Variants in ZNF541 observed in about 807,000 individuals in gnomAD.
The protein encoded by ZNF541 is zinc finger protein 541.
ZNF541 carries 23 observed loss-of-function variants against 123.5 expected under a neutral mutation model. That is an observed-to-expected ratio of 0.19 (90% confidence interval 0.13 to 0.26). The LOEUF (loss-of-function observed/expected upper bound fraction) is 0.26, where lower values mean the gene tolerates loss of function less well. Ranked by LOEUF, ZNF541 falls within the 10% of genes least tolerant of loss-of-function variation. ZNF541 has a pLI of 1.00. For missense variants in ZNF541, 1,612 were observed against 1,789.9 expected (o/e 0.90, Z 1.79); for synonymous variants, 751 against 754.5 (o/e 1.00, Z 0.08).
At chr19:47,531,948 G>A (rs896965042) in intron 11 of ZNF541, among the ~76,000 whole-genome samples, 180 bp downstream of exon 11, 1 of 152,180 alleles carries the variant, frequency 6.6e-6, no homozygotes, top group Admixed American at 6.5e-5. Flanking sequence ...GACAAAAGAG[G>A]TAGGGGAGGG....
intron 14 of ZNF541, 104 bp from the exon 15 acceptor site, chr19:47,522,098 C>T (rs1471864822): frequency 6.9e-7 from 1 of 1,439,416 alleles, no homozygotes; most frequent in Non-Finnish European, 9.3e-7. Context: ...TCCGGAAGCA[C>T]CTCTTCCTTT....
intron 14 of ZNF541, 29 bp from the exon 15 acceptor site, chr19:47,522,023 CT>C (rs1969058289): frequency 6.5e-7 from 1 of 1,549,058 alleles, no homozygotes. Context: ...CAGGCTGTGG[CT>C]GTGCCACGCG....
intron 2 of ZNF541, among the ~76,000 whole-genome samples, chr19:47,557,374 A>G (rs1439206452): frequency 2.0e-5 from 3 of 152,228 alleles, no homozygotes; most frequent in Admixed American, 2.0e-4. Context: ...CCAGAAAAAA[A>G]TAGCCAGTGA....
rs1969465437 is a variant in ZNF541 at position 47,529,563 on chromosome 19, C to G, written c.3481+14G>C. ...CAGCTGGGCCAAACCAGCTCAGCAG[C>G]CTTTCCCCGTCACCTGTGTAGCGAT... On this transcript the variant is annotated intron_variant, in intron 13 of 16. Coordinates refer to ENST00000391901, the MANE Select transcript of ZNF541 (RefSeq NM_001277075.3). 1 of 1,551,448 alleles carries G rather than the reference C, an allele frequency of 6.4e-7. No homozygotes were observed. Among genetic ancestry groups the G allele is most frequent in the African/African-American group, 1.4e-5 (1 of 73,050 alleles).
At chr19:47,562,064 C>A (rs1244392554) in intron 2 of ZNF541, among the ~76,000 whole-genome samples, 5 of 152,178 alleles carry the variant, frequency 3.3e-5, no homozygotes, top group African/African-American at 4.8e-5. Context: ...GCCTGGCCAA[C>A]ATGGCGAACC....
chr19:47,561,029 C>T (rs1971040676), intron 2 of ZNF541, among the ~76,000 whole-genome samples: 2 of 152,138 alleles, frequency 1.3e-5, no homozygotes, highest in South Asian at 4.1e-4. Context: ...AACTATATCA[C>T]ATTCTGGAAA....
chr19:47,560,978 C>T (rs144634313), intron 2 of ZNF541, among the ~76,000 whole-genome samples: 95 of 151,982 alleles, frequency 6.3e-4, no homozygotes, highest in African/African-American at 2.2e-3. Context: ...AGATTACATA[C>T]CGAAAAAAAA....
intron 2 of ZNF541, among the ~76,000 whole-genome samples, chr19:47,566,323 T>C (rs886439918): frequency 5.3e-5 from 8 of 152,180 alleles, no homozygotes; most frequent in Admixed American, 4.6e-4. Flanking sequence ...AAGTCCACAA[T>C]AGATAAATAA....
intron 9 of ZNF541, among the ~76,000 whole-genome samples, chr19:47,533,565 G>A (rs984310742): frequency 1.3e-5 from 2 of 151,798 alleles, no homozygotes; most frequent in Admixed American, 6.6e-5. Flanking sequence ...CAACTAGGCC[G>A]GGTGGGGTGG....
chr19:47,561,441 ATAAT>A (rs773942793), intron 2 of ZNF541, among the ~76,000 whole-genome samples: 7 of 152,052 alleles, frequency 4.6e-5, no homozygotes, highest in African/African-American at 1.2e-4. Context: ...CTGTCTCAAA[ATAAT>A]TAATTAATTA....
In ZNF541 at chr19:47,544,508, G is replaced by A. The variant is rs766822136; in HGVS notation, c.2021C>T (p.Ser674Phe). Residue 674 changes from serine to phenylalanine, a missense_variant, in exon 5 of 17, where the codon TCT becomes TTT. Physicochemically the swap from Ser to Phe is radical, Grantham distance 155 (BLOSUM62 -2). This residue lies in a region of ZNF541 where 1,080 missense variants were observed against 1,013.8 expected (regional missense o/e 1.07). Coordinates refer to ENST00000391901, the MANE Select transcript of ZNF541 (RefSeq NM_001277075.3). ...GGATCGCAGCTGCTTGGCCAGAGAA[G>A]AGATGTCTGGATTCCTGGAAGGGTC... ...SLDPSRNPDI[S>F]SLAKQLRSSK... is the part of the protein sequence containing the mutation. 1 of 1,551,710 alleles carries A rather than the reference G, an allele frequency of 6.4e-7. No individual in the cohort carries two copies. The highest frequency in any genetic ancestry group is 1.2e-5 in the South Asian group (1 of 84,068).
At chr19:47,546,752 T>C (rs1441291847) in intron 4 of ZNF541, among the ~76,000 whole-genome samples, 1 of 152,100 alleles carries the variant, frequency 6.6e-6, no homozygotes, top group Non-Finnish European at 1.5e-5. Context: ...GACGGAGTCT[T>C]GCTCTGTCAC....
At chr19:47,523,202 G>C (rs1190959208) in intron 14 of ZNF541, among the ~76,000 whole-genome samples, 1 of 144,658 alleles carries the variant, frequency 6.9e-6, no homozygotes, top group Non-Finnish European at 1.5e-5. Flanking sequence ...CTATTTTTTT[G>C]TGTTTTTAGT....
intron 4 of ZNF541, 114 bp from the exon 5 acceptor site, chr19:47,546,094 T>C (rs1970344756): frequency 1.6e-5 from 15 of 916,764 alleles, no homozygotes; most frequent in Non-Finnish European, 2.3e-5. Flanking sequence ...AATTCAGAAA[T>C]TGTACTCAGC....
At position 47,522,117 on chromosome 19, in the gene ZNF541, G is replaced by T. The variant is rs908182764; in HGVS notation, c.3571-123C>A. On this transcript the variant is annotated intron_variant, in intron 14 of 16. Transcript: ENST00000391901. ...GAAGCACCTCTTCCTTTGGCTTGGCGTTACCACTCACCACAAAGGCACAGG... is the reference window on the plus strand; with the variant it reads ...GAAGCACCTCTTCCTTTGGCTTGGCTTTACCACTCACCACAAAGGCACAGG... 4.6e-6 allele frequency: 6 copies of T among 1,290,460 alleles called. No homozygotes were observed. In the East Asian group the frequency reaches 1.5e-4, roughly 33 times the overall value. 79.9% of individuals were successfully genotyped at this position (1,290,460 alleles called of 1,614,324 possible).
At chr19:47,546,537 A>C (rs1970367440) in intron 4 of ZNF541, among the ~76,000 whole-genome samples, 1 of 151,822 alleles carries the variant, frequency 6.6e-6, no homozygotes, top group East Asian at 1.9e-4. Flanking sequence ...AAATAAATAA[A>C]ATTTTAAAAA....
chr19:47,529,509 C>T (rs1410790688), intron 13 of ZNF541, 68 bp downstream of exon 13: 53 of 1,496,296 alleles, frequency 3.5e-5, no homozygotes, highest in Non-Finnish European at 4.5e-5. Context: ...GCAGAGCTTG[C>T]AACAGAGCTG....
intron 2 of ZNF541, among the ~76,000 whole-genome samples, 138 bp downstream of exon 2, chr19:47,571,758 T>G (rs913864692): frequency 6.6e-6 from 1 of 152,194 alleles, no homozygotes; most frequent in African/African-American, 2.4e-5. Context: ...TTTTCCCTGT[T>G]TGACTTCTCC....
At position 47,549,462 on chromosome 19, in the gene ZNF541, C is replaced by T. The variant is rs2123213267; in HGVS notation, c.331G>A (p.Ala111Thr). The T allele has an allele frequency of 1.3e-6, 2 of 1,551,772 alleles. No individual in the cohort carries two copies. Among genetic ancestry groups the T allele is most frequent in the Middle Eastern group, 1.7e-4 (1 of 5,994 alleles). ...CTTCCTCCTTCGTCAGCCTCTTTAG[C>T]CTTAAGCACACCTAGCCCCAGGTCT... ...LQDLGLGVLK[A>T]KEADEGGRAT... Residue 111 changes from alanine to threonine, a missense_variant, in exon 4 of 17, where the codon GCT (alanine) becomes ACT (threonine). Ala to Thr is a moderately conservative substitution (Grantham distance 58). Around this residue, in one of 5 missense-constraint regions of ZNF541, gnomAD observed 212 missense variants for 289.6 expected, o/e 0.73. Transcript: ENST00000391901.
Sources: gnomAD v4.1 joint callset for allele counts (sites outside exome capture counted in the v4.1 genomes callset) on GRCh38, gnomAD v4.1.1 for gene constraint, gnomAD v4.1.1 regional missense constraint, MANE v1.5 for transcripts, NCBI Gene and HGNC (gene_info 2026-07-23, HGNC 2026-07-21) for gene names.